Variants in PCLO observed in about 807,000 individuals in gnomAD.
The protein encoded by PCLO is piccolo presynaptic cytomatrix protein.
A neutral mutation model predicts 427.5 loss-of-function variants in PCLO; 82 were observed. The ratio of observed to expected loss-of-function variants is 0.19; its 90% CI spans 0.16 to 0.23. The LOEUF is 0.23. Ranked by LOEUF, PCLO falls within the 10% of genes least tolerant of loss-of-function variation. The pLI is 1.00. For synonymous variants in PCLO, 2,357 were observed against 2,155.4 expected (o/e 1.09, Z -2.59); for missense variants, 6,239 against 6,115.9 (o/e 1.02, Z -0.67).
chr7:83,059,189 T>A, intron 3 of PCLO, among the ~76,000 whole-genome samples: 1 of 149,804 alleles, frequency 6.7e-6, no homozygotes. Flanking sequence ...ACTTACCCAA[T>A]CCTCTAAGTT....
intron 2 of PCLO, among the ~76,000 whole-genome samples, chr7:83,141,358 T>C (rs1584079115): frequency 6.6e-6 from 1 of 152,206 alleles, no homozygotes; most frequent in Non-Finnish European, 1.5e-5. Context: ...AAAATAGCCA[T>C]CTTTGCTTTC....
intron 3 of PCLO, among the ~76,000 whole-genome samples, chr7:83,093,524 ACT>A (rs1790443970): frequency 1.1e-5 from 1 of 94,812 alleles, no homozygotes; most frequent in African/African-American, 3.7e-5. Context: ...ATGGAGTCTC[ACT>A]CTGTTACCCA....
At chr7:82,871,723 T>C (rs1236381645) in intron 10 of PCLO, among the ~76,000 whole-genome samples, 1 of 151,884 alleles carries the variant, frequency 6.6e-6, no homozygotes, top group African/African-American at 2.4e-5. Context: ...TCTATAAATA[T>C]GTACAACTAT....
At chr7:83,126,515 A>T (rs566211465) in intron 3 of PCLO, among the ~76,000 whole-genome samples, 10 of 152,218 alleles carry the variant, frequency 6.6e-5, no homozygotes, top group Non-Finnish European at 1.5e-4. Flanking sequence ...CGTACTATGT[A>T]CTCATAAAAT....
intron 3 of PCLO, among the ~76,000 whole-genome samples, chr7:83,029,129 G>T (rs1788588551): frequency 6.6e-6 from 1 of 151,022 alleles, no homozygotes; most frequent in Non-Finnish European, 1.5e-5. Context: ...AAACTAAAGA[G>T]CTTCTGCACA....
chr7:82,876,006 T>C (rs1793360311), intron 10 of PCLO, among the ~76,000 whole-genome samples: 2 of 152,038 alleles, frequency 1.3e-5, no homozygotes, highest in South Asian at 2.1e-4. Flanking sequence ...TAAGATGATA[T>C]TGAATCTGTA....
intron 3 of PCLO, among the ~76,000 whole-genome samples, chr7:83,100,914 A>C (rs1790721510): frequency 6.6e-6 from 1 of 152,254 alleles, no homozygotes; most frequent in Non-Finnish European, 1.5e-5. Flanking sequence ...CAAACACATA[A>C]ATTTTACTCA....
chr7:82,958,990 G>A (rs1180754929), intron 4 of PCLO, among the ~76,000 whole-genome samples: 1 of 152,092 alleles, frequency 6.6e-6, no homozygotes, highest in Non-Finnish European at 1.5e-5. Flanking sequence ...GGGTACTTAA[G>A]CTCCTTGTGA....
chr7:82,853,026 C>T (rs1385664908), intron 10 of PCLO, among the ~76,000 whole-genome samples: 1 of 152,002 alleles, frequency 6.6e-6, no homozygotes, highest in African/African-American at 2.4e-5. Context: ...CCAATTCCAG[C>T]CCTGTTGCTG....
intron 3 of PCLO, among the ~76,000 whole-genome samples, chr7:82,992,049 T>G (rs41572): frequency 6.6e-6 from 1 of 151,968 alleles, no homozygotes; most frequent in Admixed American, 6.6e-5. Flanking sequence ...AGATTTTGCA[T>G]CTTCATCTCA....
chr7:82,792,919 G>T (rs1791136087), intron 22 of PCLO, among the ~76,000 whole-genome samples: 1 of 151,500 alleles, frequency 6.6e-6, no homozygotes, highest in Admixed American at 6.6e-5. Context: ...ATATTAACTT[G>T]CCTCTTTAAT....
At chr7:82,891,016 T>C (rs1225790339) in intron 9 of PCLO, among the ~76,000 whole-genome samples, 2 of 152,136 alleles carry the variant, frequency 1.3e-5, no homozygotes, top group Non-Finnish European at 2.9e-5. Context: ...CTAATAAATG[T>C]ATGCAAATAA....
chr7:82,976,840 G>A (rs550430830), intron 3 of PCLO, among the ~76,000 whole-genome samples: 1 of 152,088 alleles, frequency 6.6e-6, no homozygotes, highest in Admixed American at 6.6e-5. Context: ...ACATCATATT[G>A]TACCACATAA....
At chr7:83,066,847 T>C (rs2116336381) in intron 3 of PCLO, among the ~76,000 whole-genome samples, 1 of 152,250 alleles carries the variant, frequency 6.6e-6, no homozygotes, top group South Asian at 2.1e-4. Context: ...ACATATGAGA[T>C]AAACAAGTAT....
At chr7:82,827,299 G>A (rs1245494145) in intron 17 of PCLO, among the ~76,000 whole-genome samples, 1 of 151,986 alleles carries the variant, frequency 6.6e-6, no homozygotes, top group Admixed American at 6.6e-5. Flanking sequence ...TAAAAATGCA[G>A]ATTTTCAGAA....
intron 9 of PCLO, among the ~76,000 whole-genome samples, 186 bp downstream of exon 9, chr7:82,902,465 T>C (rs1254279676): frequency 3.3e-5 from 5 of 151,854 alleles, no homozygotes; most frequent in South Asian, 2.1e-4. Context: ...TTAGGAGATA[T>C]ACCTAATGCT....
chr7:82,837,196 C>T (rs1246081858), intron 15 of PCLO, among the ~76,000 whole-genome samples: 2 of 151,822 alleles, frequency 1.3e-5, no homozygotes, highest in Non-Finnish European at 2.9e-5. Context: ...GGATTTACTT[C>T]CAAGTAATCT....
At position 83,155,368 on chromosome 7, in the gene PCLO, G is replaced by A. The variant is rs1792254557; in HGVS notation, c.1273C>T (p.Pro425Ser). Residue 425 changes from proline (P) to serine (S), a missense_variant, in exon 2 of 25, where the codon CCT becomes TCT. Transcript: ENST00000333891. ...VGTPKPLAQQPGLQSPAKAPG... is the reference protein window; with the variant it reads ...VGTPKPLAQQSGLQSPAKAPG... Reference sequence around the variant, plus strand: ...GCCTTAGCTGGAGACTGTAGCCCAGGTTGTTGAGCTAGGGGTTTTGGTGTC... The same window carrying A: ...GCCTTAGCTGGAGACTGTAGCCCAGATTGTTGAGCTAGGGGTTTTGGTGTC... 6.2e-7 allele frequency: 1 copy of A among 1,613,774 alleles called. No individual in the cohort carries two copies. Among genetic ancestry groups the A allele is most frequent in the Non-Finnish European group, 8.5e-7 (1 of 1,179,864 alleles).
intron 4 of PCLO, among the ~76,000 whole-genome samples, chr7:82,965,506 C>G (rs1795746638): frequency 1.3e-5 from 2 of 151,894 alleles, no homozygotes; most frequent in Admixed American, 6.6e-5. Context: ...TTCTTTATCA[C>G]TCCATATGAT....
Sources: gnomAD v4.1 joint callset for allele counts (sites outside exome capture counted in the v4.1 genomes callset) on GRCh38, gnomAD v4.1.1 for gene constraint, MANE v1.5 for transcripts, NCBI Gene and HGNC (gene_info 2026-07-23, HGNC 2026-07-21) for gene names.